The following STRN3 variants were observed in gnomAD, a reference collection of about 807,000 sequenced individuals.
STRN3 encodes striatin 3.
STRN3 carries 29 observed loss-of-function variants against 95.6 expected under a neutral mutation model. The observed-to-expected ratio is 0.30, with a 90% confidence interval of 0.23 to 0.41. The LOEUF (loss-of-function observed/expected upper bound fraction) is 0.41, where lower values mean the gene tolerates loss of function less well. Ranked by LOEUF, STRN3 falls within the 10% of genes least tolerant of loss-of-function variation. STRN3 has a pLI of 1.00. For synonymous variants in STRN3, 331 were observed against 357.6 expected (o/e 0.93, Z 0.84); for missense variants, 890 against 972.1 (o/e 0.92, Z 1.12).
At chr14:30,987,830 C>A (rs930249531) in intron 1 of STRN3, among the ~76,000 whole-genome samples, 9 of 151,764 alleles carry the variant, frequency 5.9e-5, no homozygotes, top group African/African-American at 2.2e-4. Context: ...CTCTGCCTCC[C>A]GGGTTCAAGC....
At chr14:31,022,382 CAAAA>C (rs34715212) in intron 1 of STRN3, among the ~76,000 whole-genome samples, 1 of 130,400 alleles carries the variant, frequency 7.7e-6, no homozygotes. Flanking sequence ...GACTCCATCT[CAAAA>C]AAAAAAAAAA....
chr14:30,931,201 A>G (rs2139057780), intron 7 of STRN3, among the ~76,000 whole-genome samples: 1 of 152,318 alleles, frequency 6.6e-6, no homozygotes, highest in East Asian at 1.9e-4. Flanking sequence ...TGGTGAATGC[A>G]TATGTGCACA....
chr14:30,962,613 A>C (rs1428412521), intron 1 of STRN3, among the ~76,000 whole-genome samples: 1 of 152,178 alleles, frequency 6.6e-6, no homozygotes, highest in Non-Finnish European at 1.5e-5. Flanking sequence ...AGTTCACTGC[A>C]GCCTCAACCT....
intron 1 of STRN3, among the ~76,000 whole-genome samples, chr14:30,960,018 C>CA (rs1263006598): frequency 5.3e-5 from 8 of 150,556 alleles, no homozygotes; most frequent in South Asian, 4.2e-4. Flanking sequence ...TAAAATTTAC[C>CA]AAAAAAAAAT....
At chr14:30,969,152 T>C (rs574604269) in intron 1 of STRN3, among the ~76,000 whole-genome samples, 1 of 152,252 alleles carries the variant, frequency 6.6e-6, no homozygotes, top group African/African-American at 2.4e-5. Flanking sequence ...AAAGAGTCTA[T>C]AAGCTGGGCG....
In STRN3 at chr14:30,918,950, T is replaced by C. The variant is rs773652651; in HGVS notation, c.1240+16A>G. On this transcript the variant is annotated intron_variant, in intron 9 of 17. Coordinates refer to ENST00000357479, the MANE Select transcript of STRN3 (RefSeq NM_001083893.2). ...TCTTCTGAAATGTAAATAAACATGG[T>C]AGCTAAATTTTGTACCTTCCTCTGC... 1.9e-6 allele frequency: 3 copies of C among 1,550,058 alleles called. No homozygotes were observed. The highest frequency in any genetic ancestry group is 2.6e-6 in the Non-Finnish European group (3 of 1,144,488).
At chr14:30,924,135 A>G (rs1443823288) in intron 8 of STRN3, among the ~76,000 whole-genome samples, 1 of 150,248 alleles carries the variant, frequency 6.7e-6, no homozygotes, top group African/African-American at 2.4e-5. Context: ...GTGGTCATAC[A>G]TGAGAGTATC....
intron 15 of STRN3, among the ~76,000 whole-genome samples, chr14:30,905,195 T>C (rs1188341637): frequency 6.6e-6 from 1 of 152,176 alleles, no homozygotes; most frequent in Non-Finnish European, 1.5e-5. Flanking sequence ...CACCTTCATA[T>C]TGCTCTAGAC....
chr14:30,912,939 T>A (rs538820945), intron 10 of STRN3, among the ~76,000 whole-genome samples: 1 of 152,138 alleles, frequency 6.6e-6, no homozygotes, highest in East Asian at 1.9e-4. Flanking sequence ...AACATAAAGA[T>A]CTAACAAGTA....
At position 30,900,159 on chromosome 14, in the gene STRN3, A is replaced by G. The variant is rs192713189; in HGVS notation, c.2137+2377T>C. On this transcript the variant is annotated intron_variant, in intron 16 of 17. Transcript: ENST00000357479. ...GATCACCTGAGGTCAGGAGTTCAAG[A>G]CCAGCCTGGCCAACATGCTGAAAGC... Among the ~76,000 whole-genome samples, 294 of 152,128 alleles carry G rather than the reference A, an allele frequency of 1.9e-3. 2 individuals are homozygous for G. Among genetic ancestry groups the G allele is most frequent in the African/African-American group, 7.0e-3 (289 of 41,510 alleles).
At chr14:30,984,137 A>ACCCCCCCCCCCCC (rs1555324188) in intron 1 of STRN3, among the ~76,000 whole-genome samples, 8 of 56,140 alleles carry the variant, frequency 1.4e-4, no homozygotes, top group African/African-American at 2.3e-4. Flanking sequence ...GCCCCCCCCA[A>ACCCCCCCCCCCCC]CCCCCCCCCA....
intron 1 of STRN3, among the ~76,000 whole-genome samples, chr14:30,969,889 G>C (rs746994968): frequency 7.2e-5 from 11 of 151,796 alleles, no homozygotes; most frequent in Non-Finnish European, 1.6e-4. Flanking sequence ...AAAAAAACTC[G>C]AGCCAGCATG....
At chr14:30,987,706 CA>C (rs1302972004) in intron 1 of STRN3, among the ~76,000 whole-genome samples, 11 of 151,672 alleles carry the variant, frequency 7.3e-5, no homozygotes, top group African/African-American at 2.7e-4. Context: ...TGATTCTGCC[CA>C]CAATATTTTC....
At chr14:30,944,289 T>C (rs1879234045) in intron 5 of STRN3, among the ~76,000 whole-genome samples, 1 of 151,980 alleles carries the variant, frequency 6.6e-6, no homozygotes, top group African/African-American at 2.4e-5. Flanking sequence ...ATATTTCCGC[T>C]TTTTCTCTTA....
intron 15 of STRN3, among the ~76,000 whole-genome samples, chr14:30,904,354 A>G (rs1896404729): frequency 6.6e-6 from 1 of 152,232 alleles, no homozygotes; most frequent in Non-Finnish European, 1.5e-5. Flanking sequence ...ATAAATAAAG[A>G]TAATACCTGC....
intron 4 of STRN3, among the ~76,000 whole-genome samples, chr14:30,948,516 G>A (rs1453726446): frequency 1.3e-5 from 2 of 152,134 alleles, no homozygotes; most frequent in African/African-American, 4.8e-5. Flanking sequence ...GGAAAAAAAT[G>A]ATAGCAGAGA....
chr14:31,005,835 T>C (rs771804120), intron 1 of STRN3, among the ~76,000 whole-genome samples: 30 of 152,244 alleles, frequency 2.0e-4, no homozygotes, highest in Admixed American at 5.9e-4. Context: ...TCAGAAAACA[T>C]AGCTGGGCAC....
intron 9 of STRN3, among the ~76,000 whole-genome samples, chr14:30,916,720 A>G (rs1004678791): frequency 2.0e-5 from 3 of 152,084 alleles, no homozygotes; most frequent in African/African-American, 7.2e-5. Flanking sequence ...ATGAGCTACT[A>G]TGCCTGCCCT....
chr14:31,001,211 A>G (rs538827326), intron 1 of STRN3, among the ~76,000 whole-genome samples: 1 of 152,310 alleles, frequency 6.6e-6, no homozygotes, highest in Admixed American at 6.5e-5. Context: ...TTAACAACTT[A>G]AACAAAAATC....
Sources: allele counts gnomAD v4.1 joint callset (sites outside exome capture counted in the v4.1 genomes callset), GRCh38; gene constraint gnomAD v4.1.1; transcripts MANE v1.5; gene names NCBI Gene and HGNC (gene_info 2026-07-23, HGNC 2026-07-21).